Variants in GOSR2 observed in about 807,000 individuals in gnomAD.
GOSR2 encodes golgi SNAP receptor complex member 2, also known as 27 kDa Golgi SNARE protein.
GOSR2 carries 20 observed loss-of-function variants against 27.9 expected under a neutral mutation model. The ratio of observed to expected loss-of-function variants is 0.72; its 90% CI spans 0.50 to 1.04. GOSR2 has a LOEUF of 1.04. Among genes scored for constraint, GOSR2 ranks in the 50% least tolerant of loss-of-function variants. GOSR2 has a pLI of 0.00. For synonymous variants in GOSR2, 91 were observed against 98.8 expected, an observed-to-expected ratio of 0.92 and a Z score of 0.47; for missense variants, 261 against 270.5, an observed-to-expected ratio of 0.97 and a Z score of 0.25.
intron 5 of GOSR2, chr17:46,936,640 A>T (rs1290811846): frequency 1.0e-5 from 10 of 984,988 alleles, no homozygotes; most frequent in Non-Finnish European, 1.2e-5. Context: ...GCTGAAAATG[A>T]ATACATTTTT....
chr17:46,966,515 T>G, intron 6 of GOSR2: 2 of 687,872 alleles, frequency 2.9e-6, no homozygotes, highest in Non-Finnish European at 5.3e-6. Flanking sequence ...ACCCGATTAA[T>G]TTTTTGTATT....
chr17:46,965,532 C>T (rs1015301352), intron 6 of GOSR2, among the ~76,000 whole-genome samples: 4 of 152,180 alleles, frequency 2.6e-5, no homozygotes, highest in Non-Finnish European at 5.9e-5. Flanking sequence ...TCCCCCTCAA[C>T]GTGACCTAAT....
At chr17:46,933,865 C>T (rs1053244162) in intron 4 of GOSR2, among the ~76,000 whole-genome samples, 5 of 151,568 alleles carry the variant, frequency 3.3e-5, no homozygotes, top group African/African-American at 1.2e-4. Context: ...TCTCTGGAGC[C>T]TGAGGTGAGA....
At chr17:46,926,463 G>A (rs1867237) in intron 1 of GOSR2, among the ~76,000 whole-genome samples, 90,355 of 151,926 alleles carry the variant, frequency 0.59, 26,878 homozygotes, top group Non-Finnish European at 0.62. Context: ...TTTTAAAGAC[G>A]GCTACAATGA....
chr17:46,971,963 C>T (rs958446930), downstream of GOSR2, among the ~76,000 whole-genome samples: 1 of 152,226 alleles, frequency 6.6e-6, no homozygotes, highest in Non-Finnish European at 1.5e-5. Context: ...AAGGGTCACA[C>T]TTACAGCCAG....
At chr17:46,935,624 G>A in intron 5 of GOSR2, 6 of 1,044,526 alleles carry the variant, frequency 5.7e-6, no homozygotes, top group Non-Finnish European at 6.9e-6. Context: ...TCCCCACTGT[G>A]CAGTGTTAGG....
chr17:46,974,387 A>G (rs1247292930), intron 6 of GOSR2, among the ~76,000 whole-genome samples: 1 of 152,100 alleles, frequency 6.6e-6, no homozygotes, highest in Non-Finnish European at 1.5e-5. Flanking sequence ...TCTCCTATAA[A>G]CAGGAAATTA....
In GOSR2 at chr17:46,940,870, A is replaced by G; in HGVS notation, c.*2110A>G. ...GGACACCCAGGGGCATTGAGACTGC[A>G]TGTTGTCACATGACCACTTCTCTTC... is the stretch of plus-strand genomic sequence containing the variant. On this transcript the variant is annotated 3_prime_UTR_variant, in exon 6 of 6. Transcript: ENST00000640051. The G allele has an allele frequency of 1.4e-6, 2 of 1,415,936 alleles. No homozygotes were observed. Among genetic ancestry groups the G allele is most frequent in the Non-Finnish European group, 9.2e-7 (1 of 1,086,208 alleles). 87.7% of individuals were successfully genotyped at this position (1,415,936 alleles called of 1,614,324 possible).
At chr17:46,959,855 T>G (rs750156427) in intron 6 of GOSR2, among the ~76,000 whole-genome samples, 8 of 152,220 alleles carry the variant, frequency 5.3e-5, no homozygotes, top group Non-Finnish European at 1.2e-4. Flanking sequence ...GAGCTGACTT[T>G]CTTCCCTCTC....
intron 1 of GOSR2, among the ~76,000 whole-genome samples, chr17:46,927,323 T>C (rs2086640487): frequency 6.6e-6 from 1 of 152,258 alleles, no homozygotes; most frequent in Non-Finnish European, 1.5e-5. Flanking sequence ...GTCTGTGCCA[T>C]TCATTTGTTT....
rs373192791 is a variant in GOSR2 at position 46,923,177 on chromosome 17, C to G, written c.-16C>G. On this transcript the variant is annotated 5_prime_UTR_variant, in exon 1 of 6. Transcript: ENST00000640051. ...AGGAAGCCAGAGCCGGAGCCGTGGC[C>G]TGCGGGGCCGGCGACATGGATCCCC... The G allele has an allele frequency of 4.0e-4, 611 of 1,526,464 alleles. 2 individuals are homozygous for G. In the African/African-American group the frequency reaches 7.7e-3, roughly 19 times the overall value. 94.6% of individuals were successfully genotyped at this position (1,526,464 alleles called of 1,614,324 possible). A position where few individuals can be genotyped will look rare whatever the true frequency, so the allele number is the denominator to read the frequency against.
intron 6 of GOSR2, among the ~76,000 whole-genome samples, chr17:46,974,530 C>T (rs1036965855): frequency 2.6e-5 from 4 of 152,172 alleles, no homozygotes; most frequent in South Asian, 2.1e-4. Flanking sequence ...GTCAGGAGAT[C>T]GAGAGCATCC....
At chr17:46,966,371 C>T (rs1367156644) in intron 6 of GOSR2, among the ~76,000 whole-genome samples, 2 of 152,316 alleles carry the variant, frequency 1.3e-5, no homozygotes, top group Middle Eastern at 3.4e-3. Context: ...GTGTGACCTC[C>T]TCACACCTCT....
intron 1 of GOSR2, among the ~76,000 whole-genome samples, chr17:46,928,788 G>A (rs1303668312): frequency 1.3e-5 from 2 of 152,098 alleles, no homozygotes; most frequent in African/African-American, 2.4e-5. Context: ...TAATCCACAT[G>A]TCTTGAATGA....
At chr17:46,953,946 G>A (rs2090546607) in intron 6 of GOSR2, among the ~76,000 whole-genome samples, 1 of 152,204 alleles carries the variant, frequency 6.6e-6, no homozygotes, top group Non-Finnish European at 1.5e-5. Flanking sequence ...CCCTTTGTCA[G>A]ATGAGTAGAT....
intron 4 of GOSR2, 150 bp downstream of exon 4, chr17:46,932,349 C>T (rs1326911244): frequency 8.3e-6 from 7 of 838,560 alleles, no homozygotes; most frequent in Non-Finnish European, 1.4e-5. Context: ...TTGTGCATTG[C>T]CACAGAGACT....
At chr17:46,960,324 A>T (rs1265674975) in intron 6 of GOSR2, among the ~76,000 whole-genome samples, 2 of 152,218 alleles carry the variant, frequency 1.3e-5, no homozygotes, top group African/African-American at 4.8e-5. Context: ...CATACATACA[A>T]ACAAACACAA....
At position 46,949,000 on chromosome 17, in the gene GOSR2, G is replaced by A. The variant is rs9889762; in HGVS notation, c.583+10296G>A. 73,796 of 152,094 alleles carry A rather than the reference G, an allele frequency of 0.49. 17,905 individuals are homozygous for A. The highest frequency in any genetic ancestry group is 0.56 in the Middle Eastern group (167 of 296). 9.4% of individuals were successfully genotyped at this position (152,094 alleles called of 1,614,324 possible). Reference sequence around the variant, plus strand: ...CGGGACTGGGCCTTGGAGAACAGACGTGACCCACCTGCATTGTGATCCACT... The same window carrying A: ...CGGGACTGGGCCTTGGAGAACAGACATGACCCACCTGCATTGTGATCCACT... On this transcript the variant is annotated intron_variant, in intron 6 of 6. Transcript: ENST00000573224.
At chr17:46,970,598 CTCCAGCCACAA>C (rs1432219990), downstream of GOSR2, among the ~76,000 whole-genome samples, 1 of 150,862 alleles carries the variant, frequency 6.6e-6, no homozygotes, top group Non-Finnish European at 1.5e-5. Context: ...AACATGAGGA[CTCCAGCCACAA>C]TCAGTCGTCA....
Sources: allele counts gnomAD v4.1 joint callset (sites outside exome capture counted in the v4.1 genomes callset), GRCh38; gene constraint gnomAD v4.1.1; transcripts MANE v1.5; gene names NCBI Gene and HGNC (gene_info 2026-07-23, HGNC 2026-07-21).